The following EYS variants were observed in gnomAD, a reference collection of about 807,000 sequenced individuals.
The protein encoded by EYS is EGF-like photoreceptor maintenance factor, also known as protein eyes shut homolog.
In EYS, 250 loss-of-function variants were observed where a neutral mutation model predicts 282.1. The ratio of observed to expected loss-of-function variants is 0.89; its 90% CI spans 0.80 to 0.98. The LOEUF (loss-of-function observed/expected upper bound fraction) is 0.98, where lower values mean the gene tolerates loss of function less well. Among genes scored for constraint, EYS ranks in the 50% least tolerant of loss-of-function variants. EYS has a pLI of 0.00. For synonymous variants in EYS, 1,355 were observed against 1,282.9 expected (o/e 1.06, Z -1.20); for missense variants, 4,016 against 3,709.0 (o/e 1.08, Z -2.15).
rs66509470 is a variant in EYS at position 65,545,240 on chromosome 6, GTT to G, written c.-332-49249_-332-49248del. Among the ~76,000 whole-genome samples the G allele has an allele frequency of 7.3e-3, 1,090 of 149,610 alleles. 18 individuals are homozygous for G. Among genetic ancestry groups the G allele is most frequent in the South Asian group, 0.023 (111 of 4,774 alleles). ...TCCTGGCCTAGATTTTTTTTATTCT[GTT>G]TTTTTTTTTTCTCTGATCATTATTG... On this transcript the variant is annotated intron_variant, in intron 2 of 42. Transcript: ENST00000503581.
intron 42 of EYS, among the ~76,000 whole-genome samples, chr6:63,723,053 A>G (rs1400740120): frequency 6.6e-6 from 1 of 152,218 alleles, no homozygotes; most frequent in Non-Finnish European, 1.5e-5. Context: ...TGGCCCATAA[A>G]TAGATGCTAA....
intron 2 of EYS, among the ~76,000 whole-genome samples, chr6:65,541,600 CA>C (rs1311284206): frequency 1.3e-5 from 2 of 152,020 alleles, no homozygotes; most frequent in South Asian, 2.1e-4. Context: ...ACTTTCCCAT[CA>C]AAAAAACTTT....
chr6:64,587,289 A>G (rs1393930913), intron 26 of EYS, among the ~76,000 whole-genome samples: 1 of 152,086 alleles, frequency 6.6e-6, no homozygotes, highest in Non-Finnish European at 1.5e-5. Context: ...TATTATGGAA[A>G]TACCACATAT....
intron 29 of EYS, among the ~76,000 whole-genome samples, chr6:64,331,309 C>T (rs1329610889): frequency 6.6e-6 from 1 of 152,066 alleles, no homozygotes; most frequent in Admixed American, 6.6e-5. Flanking sequence ...TCTTAGAAGC[C>T]ATATGGGCTC....
chr6:63,937,671 G>T (rs1222491365), intron 35 of EYS, among the ~76,000 whole-genome samples: 3 of 151,982 alleles, frequency 2.0e-5, no homozygotes, highest in Non-Finnish European at 2.9e-5. Flanking sequence ...GTGAGCCACC[G>T]CGCCTGGCCA....
At chr6:64,353,033 C>T (rs1771696835) in intron 29 of EYS, among the ~76,000 whole-genome samples, 1 of 151,422 alleles carries the variant, frequency 6.6e-6, no homozygotes, top group African/African-American at 2.4e-5. Context: ...GAAGTCATAT[C>T]CCTGCCCTAA....
intron 30 of EYS, among the ~76,000 whole-genome samples, chr6:64,245,069 C>A (rs574638446): frequency 1.3e-5 from 2 of 148,274 alleles, no homozygotes; most frequent in African/African-American, 4.9e-5. Flanking sequence ...TGAGTGAGAA[C>A]ATGCAGTGTT....
intron 35 of EYS, among the ~76,000 whole-genome samples, chr6:63,950,536 A>G (rs1295454380): frequency 1.3e-5 from 2 of 152,122 alleles, no homozygotes; most frequent in Non-Finnish European, 2.9e-5. Context: ...GTGATTAAAA[A>G]GCTTTATTGC....
chr6:65,183,139 T>A (rs573128119), intron 12 of EYS, among the ~76,000 whole-genome samples: 1 of 152,110 alleles, frequency 6.6e-6, no homozygotes, highest in Non-Finnish European at 1.5e-5. Flanking sequence ...ATTTCAACTT[T>A]TAAAATTTAA....
At chr6:64,081,767 C>A (rs886955763) in intron 32 of EYS, 89 bp downstream of exon 32, 7 of 1,142,104 alleles carry the variant, frequency 6.1e-6, no homozygotes, top group Middle Eastern at 5.8e-4. Context: ...AATTCTCTCA[C>A]AATATTTAAA....
intron 41 of EYS, among the ~76,000 whole-genome samples, chr6:63,739,754 T>G (rs187863718): frequency 2.4e-4 from 36 of 152,094 alleles, no homozygotes; most frequent in African/African-American, 8.2e-4. Flanking sequence ...AATGCAGTGG[T>G]GTGATCTTGG....
intron 28 of EYS, among the ~76,000 whole-genome samples, chr6:64,429,605 T>C (rs1774515979): frequency 1.3e-5 from 2 of 152,196 alleles, no homozygotes; most frequent in South Asian, 4.1e-4. Flanking sequence ...CACTCCAGCC[T>C]GGGTGATGGA....
At chr6:65,195,631 G>A (rs557304299) in intron 12 of EYS, among the ~76,000 whole-genome samples, 1 of 152,048 alleles carries the variant, frequency 6.6e-6, no homozygotes, top group Non-Finnish European at 1.5e-5. Flanking sequence ...TGAACAGAGA[G>A]CTAAGTATAT....
chr6:64,547,290 C>T (rs1446803046), intron 26 of EYS, among the ~76,000 whole-genome samples: 1 of 152,182 alleles, frequency 6.6e-6, no homozygotes, highest in Non-Finnish European at 1.5e-5. Flanking sequence ...GCCCCACCCA[C>T]ATCCTGCTGA....
At chr6:64,786,597 T>C (rs920455041) in intron 22 of EYS, among the ~76,000 whole-genome samples, 3 of 152,178 alleles carry the variant, frequency 2.0e-5, no homozygotes, top group African/African-American at 7.2e-5. Flanking sequence ...CTATCTCTCT[T>C]GACACCATAC....
chr6:64,319,021 T>G (rs1021753926), intron 29 of EYS, among the ~76,000 whole-genome samples: 1 of 151,968 alleles, frequency 6.6e-6, no homozygotes, highest in Non-Finnish European at 1.5e-5. Flanking sequence ...TTGTATCTAA[T>G]TATATTTTTG....
chr6:65,512,877 G>T (rs1311464775), intron 2 of EYS, among the ~76,000 whole-genome samples: 1 of 152,060 alleles, frequency 6.6e-6, no homozygotes, highest in African/African-American at 2.4e-5. Flanking sequence ...ATAATTAAAA[G>T]AACTAGAAAA....
rs996957331 is a variant in EYS, at chr6:65,693,766, G to T, written c.-448+13369C>A. 2.0e-5 allele frequency among the ~76,000 whole-genome samples: 3 copies of T among 149,832 alleles called. 1 individual carries two copies. The highest frequency in any genetic ancestry group is 3.0e-5 in the Non-Finnish European group (2 of 67,594). Reference sequence around the variant, plus strand: ...TTTTTTAAAAAGACATGAAGTAAACGCAATGAGATATGGAAGATCCTATGT... The same window carrying T: ...TTTTTTAAAAAGACATGAAGTAAACTCAATGAGATATGGAAGATCCTATGT... On this transcript the variant is annotated intron_variant, in intron 1 of 42. Coordinates refer to ENST00000503581, the MANE Select transcript of EYS (RefSeq NM_001142800.2).
chr6:65,612,207 T>A (rs758771714), intron 2 of EYS, among the ~76,000 whole-genome samples: 18 of 150,830 alleles, frequency 1.2e-4, no homozygotes, highest in Non-Finnish European at 2.4e-4. Flanking sequence ...TATATATATG[T>A]ATATATATGA....
Sources: gnomAD v4.1 joint callset for allele counts (sites outside exome capture counted in the v4.1 genomes callset) on GRCh38, gnomAD v4.1.1 for gene constraint, MANE v1.5 for transcripts, NCBI Gene and HGNC (gene_info 2026-07-23, HGNC 2026-07-21) for gene names.